SRGN: variants seen among roughly 807,000 people sequenced by gnomAD.
SRGN encodes hematopoetic proteoglycan core peptide.
A neutral mutation model predicts 9.5 loss-of-function variants in SRGN; 2 were observed. The observed-to-expected ratio is 0.21, with a 90% confidence interval of 0.09 to 0.66. The LOEUF is 0.66. Among genes scored for constraint, SRGN ranks in the 30% least tolerant of loss-of-function variants. The probability of loss-of-function intolerance (pLI) is 0.83; values close to 1 mark genes in which losing one functional copy is unlikely to be tolerated. For missense variants in SRGN, 170 were observed against 192.4 expected, an observed-to-expected ratio of 0.88 and a Z score of 0.69; for synonymous variants, 59 against 72.3, an observed-to-expected ratio of 0.82 and a Z score of 0.93.
intron 1 of SRGN, among the ~76,000 whole-genome samples, chr10:69,096,172 G>A (rs538850538): frequency 3.2e-4 from 49 of 152,174 alleles, no homozygotes; most frequent in Middle Eastern, 3.4e-3. Context: ...GTGATACCAC[G>A]GGTACTCCAC....
intron 1 of SRGN, among the ~76,000 whole-genome samples, chr10:69,094,654 G>A (rs114476899): frequency 0.011 from 1,668 of 152,156 alleles, 35 homozygotes; most frequent in African/African-American, 0.038. Context: ...AAGTGCAGCC[G>A]TGCAATCTTG....
chr10:69,099,777 A>C (rs1164625458), intron 2 of SRGN, among the ~76,000 whole-genome samples: 2 of 152,202 alleles, frequency 1.3e-5, no homozygotes, highest in Non-Finnish European at 2.9e-5. Context: ...CATTACTTTA[A>C]ATCATTGGTT....
At position 69,097,128 on chromosome 10, in the gene SRGN, C is replaced by T; in HGVS notation, c.124C>T (p.Pro42Ser). 1 of 1,614,120 alleles carries T rather than the reference C, an allele frequency of 6.2e-7. No homozygotes were observed. The highest frequency in any genetic ancestry group is 8.5e-7 in the Non-Finnish European group (1 of 1,179,980). Residue 42 changes from proline (P) to serine (S), a missense_variant, in exon 2 of 3, where the codon CCA becomes TCA. Coordinates refer to ENST00000242465, the MANE Select transcript of SRGN (RefSeq NM_002727.4). The part of the protein sequence containing the change: ...RARYQWVRCN[P>S]DSNSANCLEE... ...CAGGTACCAATGGGTGCGCTGCAAT[C>T]CAGACAGTAATTCTGCAAACTGCCT...
chr10:69,093,676 G>A (rs1840113098), intron 1 of SRGN, among the ~76,000 whole-genome samples: 2 of 152,134 alleles, frequency 1.3e-5, no homozygotes, highest in Admixed American at 1.3e-4. Context: ...AGGAGATCGA[G>A]ACCTTCCTGG....
Position 69,088,213 on chromosome 10 carries a change from T to A in SRGN, c.56T>A (p.Leu19Gln). The A allele has an allele frequency of 6.2e-7, 1 of 1,614,212 alleles. No homozygotes were observed. Among genetic ancestry groups the A allele is most frequent in the Non-Finnish European group, 8.5e-7 (1 of 1,180,036 alleles). Reference sequence around the variant, plus strand: ...CTTGTCCTGGCTCTTGCCCTCATCCTGGTTCTGGAATCCTCAGTTCAAGGT... The same window carrying A: ...CTTGTCCTGGCTCTTGCCCTCATCCAGGTTCTGGAATCCTCAGTTCAAGGT... The part of the protein sequence containing the change: ...SRLVLALALI[L>Q]VLESSVQGYP... Residue 19 changes from leucine (L) to glutamine (Q), a missense_variant, in exon 1 of 3, where the codon CTG becomes CAG. By Grantham distance (113) the Leu-to-Gln change is moderately radical. Coordinates refer to ENST00000242465, the MANE Select transcript of SRGN (RefSeq NM_002727.4).
intron 2 of SRGN, among the ~76,000 whole-genome samples, chr10:69,102,679 A>T (rs1318894507): frequency 1.3e-5 from 2 of 152,070 alleles, no homozygotes; most frequent in African/African-American, 4.8e-5. Context: ...TTGAATTTCT[A>T]ATCATCACAC....
At chr10:69,102,941 C>CT (rs929482464) in intron 2 of SRGN, among the ~76,000 whole-genome samples, 1 of 151,764 alleles carries the variant, frequency 6.6e-6, no homozygotes, top group South Asian at 2.1e-4. Flanking sequence ...TTTGTCCTTT[C>CT]TTTTTTTTGG....
upstream of SRGN, among the ~76,000 whole-genome samples, chr10:69,087,755 T>C (rs766656682): frequency 7.2e-5 from 11 of 151,756 alleles, no homozygotes; most frequent in Non-Finnish European, 1.5e-4. Context: ...CCTTATCTCA[T>C]AAAAAATGCA....
In SRGN at chr10:69,088,196, G is replaced by C. The variant is rs749813187; in HGVS notation, c.39G>C (p.Leu13=). ...QKLLKCSRLV[L]ALALILVLES... ...TACTCAAATGCAGTCGGCTTGTCCT[G>C]GCTCTTGCCCTCATCCTGGTTCTGG... Residue 13 remains leucine, a synonymous_variant, in exon 1 of 3, where the codon CTG becomes CTC. Coordinates refer to ENST00000242465, the MANE Select transcript of SRGN (RefSeq NM_002727.4). The C allele has an allele frequency of 6.2e-7, 1 of 1,614,172 alleles. No individual in the cohort carries two copies. Among genetic ancestry groups the C allele is most frequent in the Admixed American group, 1.7e-5 (1 of 60,016 alleles).
At chr10:69,101,468 G>A (rs1589331630) in intron 2 of SRGN, among the ~76,000 whole-genome samples, 1 of 152,160 alleles carries the variant, frequency 6.6e-6, no homozygotes, top group South Asian at 2.1e-4. Context: ...TCTTCTCCAG[G>A]ACTTCCATTC....
intron 2 of SRGN, among the ~76,000 whole-genome samples, chr10:69,097,654 C>G (rs921634305): frequency 4.6e-5 from 7 of 152,080 alleles, no homozygotes; most frequent in South Asian, 2.1e-4. Flanking sequence ...GTCTCGATCT[C>G]CTGACCTAGT....
rs202179148 is a variant in SRGN at position 69,097,169 on chromosome 10, A to G, written c.165A>G (p.Pro55=). The G allele has an allele frequency of 1.2e-4, 198 of 1,614,058 alleles. No homozygotes were observed. Among genetic ancestry groups the G allele is most frequent in the Non-Finnish European group, 1.5e-4 (179 of 1,179,972 alleles). The part of the protein sequence containing the change: ...NSANCLEEKG[P]MFELLPGESN... ...CAAACTGCCTTGAAGAAAAAGGACC[A>G]ATGTTCGAACTACTTCCAGGTGAAT... The change falls in exon 2 of 3, where the codon CCA becomes CCG. Residue 55 remains proline, a synonymous_variant. Transcript: ENST00000242465.
At chr10:69,104,807 G>T (rs892347957), downstream of SRGN, 6 of 152,132 alleles carry the variant, frequency 3.9e-5, no homozygotes, top group Non-Finnish European at 5.9e-5. Flanking sequence ...ATAACCAAAG[G>T]TTAAGCTGTC....
intron 1 of SRGN, among the ~76,000 whole-genome samples, chr10:69,095,029 C>T (rs908279284): frequency 5.9e-5 from 9 of 151,568 alleles, no homozygotes; most frequent in Non-Finnish European, 1.2e-4. Context: ...TACTTTCGGC[C>T]GGGTGTGGTG....
upstream of SRGN, among the ~76,000 whole-genome samples, chr10:69,087,920 G>A (rs1839970632): frequency 6.6e-6 from 1 of 151,976 alleles, no homozygotes; most frequent in Non-Finnish European, 1.5e-5. Context: ...AGCAGGCCTG[G>A]GGGGAGTCCA....
intron 2 of SRGN, among the ~76,000 whole-genome samples, 196 bp downstream of exon 2, chr10:69,097,427 A>T (rs1323374931): frequency 6.3e-5 from 7 of 111,412 alleles, no homozygotes; most frequent in Admixed American, 1.0e-4. Context: ...TGCCCAGCTA[A>T]TTTTTTTTTT....
At chr10:69,098,101 G>A (rs1840215387) in intron 2 of SRGN, among the ~76,000 whole-genome samples, 1 of 152,092 alleles carries the variant, frequency 6.6e-6, no homozygotes, top group Admixed American at 6.6e-5. Flanking sequence ...GAGCATTGAG[G>A]ACTTTTCATC....
chr10:69,097,297 C>A, intron 2 of SRGN, 66 bp downstream of exon 2: 1 of 1,425,092 alleles, frequency 7.0e-7, no homozygotes, highest in South Asian at 1.3e-5. Context: ...TTTCACTTTT[C>A]TTGCCCAGGC....
rs750777087 is a variant in SRGN at position 69,097,078 on chromosome 10, G to A, written c.80-6G>A. On this transcript the variant is annotated splice_region_variant and splice_polypyrimidine_tract_variant and intron_variant, in intron 1 of 2. Transcript: ENST00000242465. The stretch of plus-strand genomic sequence containing the variant: ...TACTTAGTAACAATGTGGGTTCCTC[G>A]GGCAGGTTATCCTACGCGGAGAGCC... 3.7e-6 allele frequency: 6 copies of A among 1,612,826 alleles called. No homozygotes were observed. Among genetic ancestry groups the A allele is most frequent in the Non-Finnish European group, 2.5e-6 (3 of 1,179,482 alleles).
Sources: gnomAD v4.1 joint callset for allele counts (sites outside exome capture counted in the v4.1 genomes callset) on GRCh38, gnomAD v4.1.1 for gene constraint, MANE v1.5 for transcripts, NCBI Gene and HGNC (gene_info 2026-07-23, HGNC 2026-07-21) for gene names.